Variants in RTN1 observed in about 807,000 individuals in gnomAD.
RTN1 encodes the protein reticulon-1.
Under a neutral mutation model 65.5 loss-of-function variants are expected in RTN1, and 25 were observed. That is an observed-to-expected ratio of 0.38 (90% confidence interval 0.28 to 0.53). RTN1 has a LOEUF of 0.53. Among genes scored for constraint, RTN1 ranks in the 20% least tolerant of loss-of-function variants. The pLI is 0.79. For missense variants in RTN1, 983 were observed against 1,025.4 expected (o/e 0.96, Z 0.57); for synonymous variants, 471 against 447.6 (o/e 1.05, Z -0.66).
At chr14:59,748,386 T>C (rs1006489655) in intron 1 of RTN1, among the ~76,000 whole-genome samples, 4 of 151,992 alleles carry the variant, frequency 2.6e-5, no homozygotes, top group African/African-American at 9.7e-5. Context: ...GGCTTTGCAC[T>C]AGCTGTTTCC....
chr14:59,741,805 C>T (rs1173281477), intron 2 of RTN1, among the ~76,000 whole-genome samples: 2 of 152,196 alleles, frequency 1.3e-5, no homozygotes, highest in Non-Finnish European at 2.9e-5. Context: ...TTCCCCCACA[C>T]CTGAGGTCCC....
At position 59,729,506 on chromosome 14, in the gene RTN1, T is replaced by C. The variant is rs147062466; in HGVS notation, c.1016-1838A>G. On this transcript the variant is annotated intron_variant, in intron 2 of 8. Coordinates refer to ENST00000267484, the MANE Select transcript of RTN1 (RefSeq NM_021136.3). ...CAGGAGTTAGTTCCTTAATAAGTTG[T>C]ACACATAGTTGTTTGATATGATTTC... 7.6e-3 allele frequency among the ~76,000 whole-genome samples: 1,156 copies of C among 152,332 alleles called. 16 individuals carry two copies. Among genetic ancestry groups the C allele is most frequent in the South Asian group, 0.043 (209 of 4,830 alleles).
At chr14:59,771,921 T>C (rs1349046962) in intron 1 of RTN1, among the ~76,000 whole-genome samples, 1 of 152,238 alleles carries the variant, frequency 6.6e-6, no homozygotes, top group African/African-American at 2.4e-5. Flanking sequence ...AGAAGAAATA[T>C]CTGCATTTAA....
rs1376895878 is a variant in RTN1, at chr14:59,774,074, T to G, written c.242-27593A>C. ...GAAATAGAATGCCAGATTTACAAAT[T>G]TGGGCAAGTATCCACATTATGGTAA... is the stretch of plus-strand genomic sequence containing the variant. On this transcript the variant is annotated intron_variant, in intron 1 of 8. Transcript: ENST00000267484. The surrounding 1 kb of genome is among the most constrained non-coding windows in gnomAD (Gnocchi z 5.1). 3.9e-5 allele frequency among the ~76,000 whole-genome samples: 6 copies of G among 152,168 alleles called. No homozygotes were observed. Among genetic ancestry groups the G allele is most frequent in the African/African-American group, 1.4e-4 (6 of 41,444 alleles).
intron 1 of RTN1, among the ~76,000 whole-genome samples, chr14:59,811,278 T>TTG (rs1886723512): frequency 1.3e-5 from 2 of 152,122 alleles, no homozygotes; most frequent in Non-Finnish European, 2.9e-5. Flanking sequence ...GCAAAGAAAC[T>TTG]ATAGGTTGAT....
intron 3 of RTN1, chr14:59,630,413 C>A (rs781592696): frequency 3.8e-5 from 61 of 1,612,608 alleles, no homozygotes; most frequent in Non-Finnish European, 5.0e-5. Flanking sequence ...TCCCGTGCGC[C>A]TCAGGCATGC....
intron 3 of RTN1, among the ~76,000 whole-genome samples, chr14:59,722,796 C>G (rs114852907): frequency 0.019 from 2,559 of 137,232 alleles, 79 homozygotes; most frequent in African/African-American, 0.063. Flanking sequence ...GAACTTTTAA[C>G]TTTTTTTTTT....
chr14:59,729,426 C>T (rs1335633829), intron 2 of RTN1, among the ~76,000 whole-genome samples: 1 of 152,282 alleles, frequency 6.6e-6, no homozygotes, highest in South Asian at 2.1e-4. Context: ...TTCATTATCT[C>T]TCATATGAAT....
At position 59,636,255 on chromosome 14, in the gene RTN1, A is replaced by AT. The variant is rs1355854154; in HGVS notation, c.1766-28764dup. On this transcript the variant is annotated intron_variant, in intron 3 of 8. Transcript: ENST00000267484. ...GGAGGTGATTGGATCATGGAGGTGG[A>AT]TCCCTCATGGTTTAGCACCATCCCC... Among the ~76,000 whole-genome samples, 4 of 152,092 alleles carry AT rather than the reference A, an allele frequency of 2.6e-5. No homozygotes were observed. The East Asian group carries it at 7.7e-4, about 29-fold the overall frequency.
chr14:59,648,244 A>G (rs1169306771), intron 3 of RTN1, among the ~76,000 whole-genome samples: 1 of 152,220 alleles, frequency 6.6e-6, no homozygotes, highest in East Asian at 1.9e-4. Flanking sequence ...TGAACCAGGA[A>G]GAAATTGCTT....
intron 1 of RTN1, among the ~76,000 whole-genome samples, chr14:59,791,862 G>T (rs977256788): frequency 9.3e-5 from 14 of 150,802 alleles, no homozygotes; most frequent in African/African-American, 3.4e-4. Flanking sequence ...ATTTTTTTTT[G>T]GTCCTCTGAT....
chr14:59,837,809 C>T (rs1319961381), intron 1 of RTN1, among the ~76,000 whole-genome samples: 1 of 151,968 alleles, frequency 6.6e-6, no homozygotes, highest in South Asian at 2.1e-4. Context: ...ATCAGGTCAA[C>T]CTTTTTTTTA....
At chr14:59,830,532 C>T (rs1444204611) in intron 1 of RTN1, among the ~76,000 whole-genome samples, 2 of 152,194 alleles carry the variant, frequency 1.3e-5, no homozygotes, top group Admixed American at 6.5e-5. Context: ...AGAGAGGTGC[C>T]TCCTACAGGT....
intron 3 of RTN1, among the ~76,000 whole-genome samples, chr14:59,607,869 C>T (rs1487550208): frequency 9.9e-5 from 15 of 151,194 alleles, no homozygotes; most frequent in African/African-American, 3.2e-4. Flanking sequence ...CCACTGCACT[C>T]CAGCCTGGGT....
At chr14:59,630,316 C>T (rs1004922548) in intron 3 of RTN1, 9 of 1,095,660 alleles carry the variant, frequency 8.2e-6, no homozygotes, top group Admixed American at 1.9e-5. Flanking sequence ...AGGTTTACTA[C>T]CCCCCAACAC....
chr14:59,624,484 C>T (rs1355901251), intron 3 of RTN1, among the ~76,000 whole-genome samples: 24 of 148,354 alleles, frequency 1.6e-4, no homozygotes, highest in African/African-American at 3.2e-4. Flanking sequence ...TTTTTTGAGA[C>T]GGCGTCTTGC....
intron 3 of RTN1, among the ~76,000 whole-genome samples, chr14:59,718,459 C>T (rs1272781917): frequency 1.3e-5 from 2 of 152,154 alleles, no homozygotes; most frequent in Non-Finnish European, 2.9e-5. Context: ...TTTGTGATTT[C>T]TTGGCCCTAG....
At chr14:59,683,165 C>G (rs1418096411) in intron 3 of RTN1, among the ~76,000 whole-genome samples, 1 of 152,090 alleles carries the variant, frequency 6.6e-6, no homozygotes, top group Non-Finnish European at 1.5e-5. Flanking sequence ...GGCATCAACT[C>G]TTTGCTTTTA....
intron 1 of RTN1, among the ~76,000 whole-genome samples, chr14:59,864,336 T>C (rs1334372713): frequency 6.6e-6 from 1 of 152,204 alleles, no homozygotes. Flanking sequence ...AAATTCCCTC[T>C]GCCCAAAATG....
Sources: gnomAD v4.1 joint callset for allele counts (sites outside exome capture counted in the v4.1 genomes callset) on GRCh38, gnomAD v4.1.1 for gene constraint, Gnocchi (gnomAD v3.1) non-coding constraint, MANE v1.5 for transcripts, NCBI Gene and HGNC (gene_info 2026-07-23, HGNC 2026-07-21) for gene names.